The following C1orf198 variants were observed in gnomAD, a reference collection of about 807,000 sequenced individuals.
The protein encoded by C1orf198 is uncharacterized protein C1orf198.
A neutral mutation model predicts 31.4 loss-of-function variants in C1orf198; 17 were observed. That is an observed-to-expected ratio of 0.54 (90% CI 0.37 to 0.81). C1orf198 has a LOEUF of 0.81. Among genes scored for constraint, C1orf198 ranks in the 40% least tolerant of loss-of-function variants. The probability of loss-of-function intolerance (pLI) is 0.00; values close to 1 mark genes in which losing one functional copy is unlikely to be tolerated. For synonymous variants in C1orf198, 175 were observed against 193.8 expected (o/e 0.90, Z 0.81); for missense variants, 401 against 450.3 (o/e 0.89, Z 0.99).
At chr1:230,862,142 A>G (rs1232718555) in intron 1 of C1orf198, among the ~76,000 whole-genome samples, 1 of 152,084 alleles carries the variant, frequency 6.6e-6, no homozygotes, top group Non-Finnish European at 1.5e-5. Flanking sequence ...TGTCGTGCCC[A>G]TCACTCCCTC....
At position 230,855,648 on chromosome 1, in the gene C1orf198, C is replaced by A. The variant is rs367868834; in HGVS notation, c.384+20G>T. On this transcript the variant is annotated intron_variant, in intron 2 of 3. Transcript: ENST00000366663. ...GTTCTTTTTAAAAGAACAAATAGAT[C>A]TAAATTTAATCCAACTTACCTTTGT... 2 of 1,609,830 alleles carry A rather than the reference C, an allele frequency of 1.2e-6. No individual in the cohort carries two copies. Among genetic ancestry groups the A allele is most frequent in the Admixed American group, 3.4e-5 (2 of 59,518 alleles).
At chr1:230,862,001 G>A (rs564066080) in intron 1 of C1orf198, among the ~76,000 whole-genome samples, 17 of 152,338 alleles carry the variant, frequency 1.1e-4, no homozygotes, top group Non-Finnish European at 1.8e-4. Flanking sequence ...GAGAAATAAG[G>A]CTTAGAGAGC....
Position 230,843,258 on chromosome 1 carries a change from G to T in C1orf198, c.927+96C>A. On this transcript the variant is annotated intron_variant, in intron 3 of 3. Transcript: ENST00000366663. This position sits in a 1 kb window ranked among gnomAD's most constrained non-coding sequence, Gnocchi z 4.9. ...GGGGAAGGAGAAGAAAAAGAGCATG[G>T]GCACCTGTGGCCTGCCTGCTTTGTG... 7.3e-7 allele frequency: 1 copy of T among 1,375,270 alleles called. No homozygotes were observed. The highest frequency in any genetic ancestry group is 1.4e-5 in the South Asian group (1 of 69,334). The allele number at this position is 1,375,270 out of a possible 1,614,324, so 85.2% of individuals were successfully genotyped here. A position where few individuals can be genotyped will look rare whatever the true frequency, so the allele number is the denominator to read the frequency against.
intron 3 of C1orf198, among the ~76,000 whole-genome samples, chr1:230,842,762 A>C (rs945540627): frequency 1.1e-4 from 17 of 152,154 alleles, no homozygotes; most frequent in African/African-American, 4.1e-4. Flanking sequence ...TTAAAAAAAA[A>C]AAGAGTGACC....
intron 2 of C1orf198, among the ~76,000 whole-genome samples, chr1:230,853,036 T>C (rs1307095574): frequency 6.6e-6 from 1 of 152,166 alleles, no homozygotes; most frequent in Non-Finnish European, 1.5e-5. Flanking sequence ...TGGAGACATG[T>C]GGCCCAGCTA....
Position 230,843,251 on chromosome 1 carries a change from G to T in C1orf198, c.927+103C>A. On this transcript the variant is annotated intron_variant, in intron 3 of 3. Transcript: ENST00000366663. This position sits in a 1 kb window ranked among gnomAD's most constrained non-coding sequence, Gnocchi z 4.9. Reference sequence around the variant, plus strand: ...AGAGGCAGGGGAAGGAGAAGAAAAAGAGCATGGGCACCTGTGGCCTGCCTG... The same window carrying T: ...AGAGGCAGGGGAAGGAGAAGAAAAATAGCATGGGCACCTGTGGCCTGCCTG... 1 of 1,336,894 alleles carries T rather than the reference G, an allele frequency of 7.5e-7. No homozygotes were observed. The allele number at this position is 1,336,894 out of a possible 1,614,324, so 82.8% of individuals were successfully genotyped here.
intron 1 of C1orf198, among the ~76,000 whole-genome samples, chr1:230,861,061 G>C (rs1669994029): frequency 6.6e-6 from 1 of 152,208 alleles, no homozygotes; most frequent in African/African-American, 2.4e-5. Flanking sequence ...GGCTGCCAGA[G>C]CCTGGGGGGC....
At position 230,868,270 on chromosome 1, in the gene C1orf198, C is replaced by G; in HGVS notation, c.243G>C (p.Ala81=). 1 of 1,581,378 alleles carries G rather than the reference C, an allele frequency of 6.3e-7. No homozygotes were observed. Among genetic ancestry groups the G allele is most frequent in the Non-Finnish European group, 8.6e-7 (1 of 1,166,060 alleles). ...DRCLVGPRAP[A]PRDPGDSEEL... ...CCTCCGAGTCCCCGGGGTCTCGGGG[C>G]GCCGGGGCGCGCGGCCCCACCAGGC... The change falls in exon 1 of 4, where the codon GCG becomes GCC. Residue 81 remains alanine (A), a synonymous_variant. Transcript: ENST00000366663.
intron 1 of C1orf198, among the ~76,000 whole-genome samples, chr1:230,858,943 C>T: frequency 6.6e-6 from 1 of 152,146 alleles, no homozygotes; most frequent in African/African-American, 2.4e-5. Flanking sequence ...GAGAAAGGGT[C>T]ACACTGTGAT....
At chr1:230,852,170 CTG>C (rs1360369244) in intron 2 of C1orf198, among the ~76,000 whole-genome samples, 1 of 152,164 alleles carries the variant, frequency 6.6e-6, no homozygotes, top group East Asian at 1.9e-4. Context: ...GAGAAAATGA[CTG>C]GAGTGACTCG....
chr1:230,851,236 G>A (rs1430001995), intron 2 of C1orf198, among the ~76,000 whole-genome samples: 3 of 152,138 alleles, frequency 2.0e-5, no homozygotes, highest in Admixed American at 6.5e-5. Context: ...GCCCTAATAG[G>A]CAGCTGGACA....
chr1:230,864,351 C>T lies in C1orf198; in HGVS notation c.333+3829G>A, dbSNP rs1001300658. On this transcript the variant is annotated intron_variant, in intron 1 of 3. Coordinates refer to ENST00000366663, the MANE Select transcript of C1orf198 (RefSeq NM_032800.3). ...CTCAGCAGTTTGCTAAACATAGGTA[C>T]CCATAGCCGCCTCTAGCCTAAGGAC... Among the ~76,000 whole-genome samples the T allele has an allele frequency of 2.6e-5, 4 of 152,102 alleles. No homozygotes were observed. The East Asian group carries it at 5.8e-4, about 22-fold the overall frequency.
rs541415344 is a variant in C1orf198, at chr1:230,843,654, C to T, written c.627G>A (p.Ser209=). 8.1e-6 allele frequency: 13 copies of T among 1,614,096 alleles called. No individual in the cohort carries two copies. The highest frequency in any genetic ancestry group is 6.6e-5 in the South Asian group (6 of 91,086). Residue 209 remains serine (S), a synonymous_variant, in exon 3 of 4, where the codon TCG becomes TCA. Coordinates refer to ENST00000366663, the MANE Select transcript of C1orf198 (RefSeq NM_032800.3). This position sits in a 1 kb window ranked among gnomAD's most constrained non-coding sequence, Gnocchi z 4.9. ...TGGACTTGATCTGGCTAGGGGTCAG[C>T]GACTGGAACTCGGCCTCAGGCCCCT... ...RGEGPEAEFQ[S]LTPSQIKSME...
At chr1:230,846,563 G>C (rs1293984437) in intron 2 of C1orf198, among the ~76,000 whole-genome samples, 1 of 152,230 alleles carries the variant, frequency 6.6e-6, no homozygotes, top group Non-Finnish European at 1.5e-5. Context: ...AGCTTCCGAC[G>C]GCTAGATGTC....
upstream of C1orf198, chr1:230,868,630 T>TACCCGGGTCTCCAAGCCA (rs1670184524): frequency 1.2e-6 from 1 of 813,230 alleles, no homozygotes. Flanking sequence ...CACCGCCGCG[T>TACCCGGGTCTCCAAGCCA]ACCCGGGTCT....
Position 230,840,531 on chromosome 1 carries a change from T to G in C1orf198, c.928-623A>C, listed in dbSNP as rs1342163274. Among the ~76,000 whole-genome samples, 2 of 152,188 alleles carry G rather than the reference T, an allele frequency of 1.3e-5. No homozygotes were observed. Among genetic ancestry groups the G allele is most frequent in the Non-Finnish European group, 2.9e-5 (2 of 68,040 alleles). The stretch of plus-strand genomic sequence containing the variant: ...AGGCCTGGTTTAATGTCATTCTTCT[T>G]TCAGGGGAAAGGGCTTAACTGACAG... On this transcript the variant is annotated intron_variant, in intron 3 of 3. Transcript: ENST00000366663. This position sits in a 1 kb window ranked among gnomAD's most constrained non-coding sequence, Gnocchi z 4.0.
chr1:230,843,295 C>A lies in C1orf198; in HGVS notation c.927+59G>T. The A allele has an allele frequency of 6.6e-7, 1 of 1,521,104 alleles. No individual in the cohort carries two copies. Among genetic ancestry groups the A allele is most frequent in the South Asian group, 1.3e-5 (1 of 79,316 alleles). 94.2% of individuals were successfully genotyped at this position (1,521,104 alleles called of 1,614,324 possible). The stretch of plus-strand genomic sequence containing the variant: ...CTGCCTGCTTTGTGGGGGACCCTCT[C>A]GGTTCCCGTGGAATAAGGCACCATC... On this transcript the variant is annotated intron_variant, in intron 3 of 3. Transcript: ENST00000366663. This position sits in a 1 kb window ranked among gnomAD's most constrained non-coding sequence, Gnocchi z 4.9.
upstream of C1orf198, chr1:230,868,667 C>T (rs1436459502): frequency 1.4e-5 from 7 of 511,046 alleles, no homozygotes; most frequent in East Asian, 1.2e-4. Flanking sequence ...CCCCAAGCCC[C>T]GGGACCCCGG....
chr1:230,843,886 T>G lies in C1orf198; in HGVS notation c.395A>C (p.Glu132Ala). The change falls in exon 3 of 4, where the codon GAG (glutamate) becomes GCG (alanine). Residue 132 changes from glutamate (E) to alanine (A), a missense_variant. Physicochemically the swap from Glu to Ala is moderately radical, Grantham distance 107 (BLOSUM62 -1). Transcript: ENST00000366663. This position sits in a 1 kb window ranked among gnomAD's most constrained non-coding sequence, Gnocchi z 4.9. ...GATGGATAGGGCGGAGATACTGAACTCCATCTGACTCTAGGGTGGGACATG... is the reference window on the plus strand; with the variant it reads ...GATGGATAGGGCGGAGATACTGAACGCCATCTGACTCTAGGGTGGGACATG... ...PFSWETKSQM[E>A]FSISALSIQE... The G allele has an allele frequency of 3.3e-6, 5 of 1,507,540 alleles. No individual in the cohort carries two copies. The highest frequency in any genetic ancestry group is 4.4e-6 in the Non-Finnish European group (5 of 1,132,290). The allele number at this position is 1,507,540 out of a possible 1,614,324, so 93.4% of individuals were successfully genotyped here.
Sources: allele counts gnomAD v4.1 joint callset (sites outside exome capture counted in the v4.1 genomes callset), GRCh38; gene constraint gnomAD v4.1.1; non-coding constraint Gnocchi (gnomAD v3.1); transcripts MANE v1.5; gene names NCBI Gene and HGNC (gene_info 2026-07-23, HGNC 2026-07-21).